Variants in CELF4 observed in about 807,000 individuals in gnomAD.
The protein encoded by CELF4 is CUG-BP- and ETR-3-like factor 4.
A neutral mutation model predicts 59.9 loss-of-function variants in CELF4; 18 were observed. That is an observed-to-expected ratio of 0.30 (90% CI 0.21 to 0.45). CELF4 has a LOEUF of 0.45. Among genes scored for constraint, CELF4 ranks in the 20% least tolerant of loss-of-function variants. CELF4 has a pLI of 1.00. For missense variants in CELF4, 456 were observed against 689.0 expected (o/e 0.66, Z 3.79); for synonymous variants, 261 against 267.1 (o/e 0.98, Z 0.22).
intron 2 of CELF4, among the ~76,000 whole-genome samples, chr18:37,405,100 C>CT (rs1452861754): frequency 6.6e-6 from 1 of 152,262 alleles, no homozygotes; most frequent in African/African-American, 2.4e-5. Flanking sequence ...CAACCCCCCC[C>CT]GTGTCCTTTC....
intron 2 of CELF4, among the ~76,000 whole-genome samples, chr18:37,332,926 A>T (rs945442180): frequency 5.3e-5 from 8 of 152,206 alleles, no homozygotes; most frequent in Non-Finnish European, 1.2e-4. Flanking sequence ...TGAACACGCC[A>T]GGGCTGCACT....
chr18:37,416,204 A>G (rs2099526999), intron 2 of CELF4, among the ~76,000 whole-genome samples: 1 of 150,392 alleles, frequency 6.6e-6, no homozygotes, highest in South Asian at 2.1e-4. Context: ...CCGTCCATCC[A>G]TCCATCCACC....
At position 37,253,956 on chromosome 18, in the gene CELF4, A is replaced by G; in HGVS notation, c.1334-18T>C. ...CACGAAGCCTGGCGAGACACGAGGG[A>G]CGAGGGCCTGGGTTTCCACGGGGCC... On this transcript the variant is annotated intron_variant, in intron 11 of 12. Transcript: ENST00000420428. This position sits in a 1 kb window ranked among gnomAD's most constrained non-coding sequence, Gnocchi z 4.5. 6.5e-7 allele frequency: 1 copy of G among 1,543,530 alleles called. No individual in the cohort carries two copies. The highest frequency in any genetic ancestry group is 1.4e-5 in the African/African-American group (1 of 71,136).
chr18:37,455,925 C>T (rs1363190156), intron 2 of CELF4, among the ~76,000 whole-genome samples: 2 of 152,200 alleles, frequency 1.3e-5, no homozygotes, highest in Admixed American at 6.5e-5. Context: ...CACCCCCAGA[C>T]GGGAAGGTCC....
chr18:37,317,254 G>A (rs1394894650), intron 3 of CELF4, among the ~76,000 whole-genome samples: 1 of 152,208 alleles, frequency 6.6e-6, no homozygotes, highest in Non-Finnish European at 1.5e-5. Context: ...AGGCGTGGTG[G>A]CGCACACTTG....
intron 2 of CELF4, among the ~76,000 whole-genome samples, chr18:37,429,870 GC>G (rs1432856750): frequency 1.3e-5 from 2 of 152,206 alleles, no homozygotes; most frequent in South Asian, 2.1e-4. Context: ...GCCTCATCCT[GC>G]CCTGCCTGAC....
intron 1 of CELF4, among the ~76,000 whole-genome samples, chr18:37,517,725 A>G (rs2099952404): frequency 6.6e-6 from 1 of 152,062 alleles, no homozygotes; most frequent in South Asian, 2.1e-4. Flanking sequence ...GTGTCCGATG[A>G]GGCACAGCTG....
At chr18:37,501,423 G>A (rs1476592761) in intron 1 of CELF4, among the ~76,000 whole-genome samples, 1 of 152,240 alleles carries the variant, frequency 6.6e-6, no homozygotes, top group Non-Finnish European at 1.5e-5. Context: ...CAGCCCTCTG[G>A]GGCCTGCGGG....
intron 1 of CELF4, among the ~76,000 whole-genome samples, chr18:37,545,016 AG>A (rs2099980455): frequency 6.6e-6 from 1 of 152,174 alleles, no homozygotes; most frequent in South Asian, 2.1e-4. Flanking sequence ...GGAATTCAAA[AG>A]TGTGGGGTTG....
rs1557404633 is a variant in CELF4 at position 37,390,802 on chromosome 18, CGG to C, written c.370-68923_370-68922del. Among the ~76,000 whole-genome samples the C allele has an allele frequency of 3.7e-3, 212 of 57,736 alleles. 1 individual carries two copies. Among genetic ancestry groups the C allele is most frequent in the African/African-American group, 6.5e-3 (72 of 11,132 alleles). 37.9% of individuals were successfully genotyped at this position (57,736 alleles called of 152,430 possible). A position where few individuals can be genotyped will look rare whatever the true frequency, so the allele number is the denominator to read the frequency against. ...GGGAAGGCTGGTGGTGGTGATGGGG[CGG>C]GGAGGGGGGGCAGTGCTGCTGGCCG... is the stretch of plus-strand genomic sequence containing the variant. On this transcript the variant is annotated intron_variant, in intron 2 of 12. Transcript: ENST00000420428.
At chr18:37,363,636 T>C (rs1226543757) in intron 2 of CELF4, among the ~76,000 whole-genome samples, 3 of 152,186 alleles carry the variant, frequency 2.0e-5, no homozygotes, top group Non-Finnish European at 2.9e-5. Context: ...TTTGGTGTCA[T>C]AGGGTATGGG....
At chr18:37,529,370 T>C (rs2099967084) in intron 1 of CELF4, among the ~76,000 whole-genome samples, 1 of 152,182 alleles carries the variant, frequency 6.6e-6, no homozygotes. Flanking sequence ...CCAGACTGCA[T>C]GGGTCGAGGT....
chr18:37,556,131 G>A (rs1195386038), intron 1 of CELF4, among the ~76,000 whole-genome samples: 1 of 152,166 alleles, frequency 6.6e-6, no homozygotes, highest in African/African-American at 2.4e-5. Flanking sequence ...CTTGCGCAAG[G>A]AGGCTTGGCT....
In CELF4 at chr18:37,306,880, G is replaced by A. The variant is rs982301572; in HGVS notation, c.448+14923C>T. ...AATGACACCGCTACAGTGATACTCC[G>A]TCAGGGCGAGATTGCCGAAGCAAAT... On this transcript the variant is annotated intron_variant, in intron 3 of 12. Transcript: ENST00000420428. Among the ~76,000 whole-genome samples, 12 of 152,210 alleles carry A rather than the reference G, an allele frequency of 7.9e-5. 1 individual carries two copies. Among genetic ancestry groups the A allele is most frequent in the East Asian group, 1.9e-4 (1 of 5,182 alleles).
chr18:37,551,327 C>G (rs192347098), intron 1 of CELF4, among the ~76,000 whole-genome samples: 1 of 152,204 alleles, frequency 6.6e-6, no homozygotes, highest in African/African-American at 2.4e-5. Context: ...TGACTGCCCC[C>G]CTGGGCTGAG....
intron 3 of CELF4, among the ~76,000 whole-genome samples, chr18:37,303,228 G>A (rs2096186425): frequency 6.6e-6 from 1 of 152,118 alleles, no homozygotes; most frequent in Non-Finnish European, 1.5e-5. Context: ...CAGGCATTGA[G>A]GGCTAAGGGG....
intron 3 of CELF4, among the ~76,000 whole-genome samples, chr18:37,294,143 T>C (rs891243579): frequency 1.3e-5 from 2 of 152,160 alleles, no homozygotes; most frequent in Admixed American, 1.3e-4. Flanking sequence ...GGGGGCAGGC[T>C]GGGGGACTCC....
At chr18:37,471,856 G>A (rs918034015) in intron 2 of CELF4, among the ~76,000 whole-genome samples, 11 of 152,190 alleles carry the variant, frequency 7.2e-5, no homozygotes, top group South Asian at 2.1e-4. Flanking sequence ...GCTCTGAGCC[G>A]TTCCAGCTGC....
chr18:37,434,450 T>C (rs148540618), intron 2 of CELF4, among the ~76,000 whole-genome samples: 2 of 152,178 alleles, frequency 1.3e-5, no homozygotes, highest in Non-Finnish European at 2.9e-5. Context: ...GTCACCTTCA[T>C]GGGGCAAAAG....
Sources: allele counts gnomAD v4.1 joint callset (sites outside exome capture counted in the v4.1 genomes callset), GRCh38; gene constraint gnomAD v4.1.1; non-coding constraint Gnocchi (gnomAD v3.1); transcripts MANE v1.5; gene names NCBI Gene and HGNC (gene_info 2026-07-23, HGNC 2026-07-21).